NPC1: variants seen among roughly 807,000 people sequenced by gnomAD.
NPC1 encodes the protein Niemann-Pick C1 protein.
In NPC1, 85 loss-of-function variants were observed where a neutral mutation model predicts 140.4. The observed-to-expected ratio is 0.61, with a 90% confidence interval of 0.51 to 0.72. The LOEUF is 0.72. Ranked by LOEUF, NPC1 falls within the 30% of genes least tolerant of loss-of-function variation. The probability of loss-of-function intolerance (pLI) is 0.00; values close to 1 mark genes in which losing one functional copy is unlikely to be tolerated. For missense variants in NPC1, 1,504 were observed against 1,623.8 expected, an observed-to-expected ratio of 0.93 and a Z score of 1.27; for synonymous variants, 656 against 624.8, an observed-to-expected ratio of 1.05 and a Z score of -0.74.
At chr18:23,530,845 T>G (rs1286150462), downstream of NPC1, among the ~76,000 whole-genome samples, 1 of 152,154 alleles carries the variant, frequency 6.6e-6, no homozygotes, top group Non-Finnish European at 1.5e-5. Context: ...CAAGACACAT[T>G]TAGGACCCAG....
chr18:23,519,245 C>T (rs576407071), downstream of NPC1: 134 of 1,342,822 alleles, frequency 1.0e-4, no homozygotes, highest in African/African-American at 5.3e-4. Context: ...TGGCTGGGCA[C>T]GGTGGATCAC....
chr18:23,557,051 G>T, intron 7 of NPC1, 66 bp downstream of exon 7: 1 of 1,351,360 alleles, frequency 7.4e-7, no homozygotes. Context: ...CCCCACTGAG[G>T]AAACGAATGC....
chr18:23,533,570 C>CCTGGG, intron 23 of NPC1, 53 bp from the exon 24 acceptor site: 1 of 1,521,826 alleles, frequency 6.6e-7, no homozygotes, highest in Non-Finnish European at 9.1e-7. Context: ...TGTAATTGAA[C>CCTGGG]AAAAACACTT....
intron 24 of NPC1, chr18:23,533,029 G>A (rs1471442358): frequency 1.2e-6 from 1 of 803,052 alleles, no homozygotes; most frequent in Admixed American, 6.2e-5. Context: ...GCTGCCAGAT[G>A]GACTCCTTCA....
At chr18:23,575,336 T>G (rs951068851) in intron 1 of NPC1, among the ~76,000 whole-genome samples, 1 of 152,054 alleles carries the variant, frequency 6.6e-6, no homozygotes, top group Admixed American at 6.6e-5. Flanking sequence ...ACCCACTTGG[T>G]GGAAGAGGGG....
downstream of NPC1, among the ~76,000 whole-genome samples, chr18:23,517,722 A>G (rs571923328): frequency 2.0e-5 from 3 of 149,988 alleles, no homozygotes; most frequent in Non-Finnish European, 3.0e-5. Flanking sequence ...ATTCCTGTTT[A>G]TTTTTAAATT....
intron 1 of NPC1, among the ~76,000 whole-genome samples, chr18:23,583,269 T>C (rs2059378512): frequency 6.6e-6 from 1 of 152,074 alleles, no homozygotes; most frequent in Non-Finnish European, 1.5e-5. Context: ...TAATCCAATT[T>C]TACAGAGGAG....
intron 1 of NPC1, chr18:23,576,798 T>G (rs1304586356): frequency 1.2e-5 from 2 of 169,058 alleles, no homozygotes; most frequent in African/African-American, 4.8e-5. Flanking sequence ...GTGGTCTCGC[T>G]GGGCTCAGGA....
At chr18:23,575,143 AAG>A (rs2059256280) in intron 1 of NPC1, among the ~76,000 whole-genome samples, 1 of 152,214 alleles carries the variant, frequency 6.6e-6, no homozygotes, top group Non-Finnish European at 1.5e-5. Context: ...CAGGAGTGAC[AAG>A]AGACAGATGT....
downstream of NPC1, chr18:23,524,494 G>A (rs2058235678): frequency 6.2e-7 from 1 of 1,613,566 alleles, no homozygotes; most frequent in South Asian, 1.1e-5. Context: ...TAGGTCAGCG[G>A]GGACAGTTGT....
intron 4 of NPC1, among the ~76,000 whole-genome samples, chr18:23,562,194 C>A (rs947259838): frequency 4.6e-5 from 7 of 151,256 alleles, no homozygotes; most frequent in Non-Finnish European, 1.0e-4. Flanking sequence ...GAGGCTGAGG[C>A]GGGAGAATGG....
chr18:23,509,517 G>A, intron 3 of NPC1: 1 of 234,342 alleles, frequency 4.3e-6, no homozygotes, highest in Non-Finnish European at 8.0e-6. Context: ...CTACAGGCAT[G>A]TACCACCATG....
At chr18:23,520,439 A>T, downstream of NPC1, 1 of 803,000 alleles carries the variant, frequency 1.2e-6, no homozygotes, top group Non-Finnish European at 1.9e-6. Flanking sequence ...GATCTGTCTG[A>T]TTTTGCCAGG....
downstream of NPC1, chr18:23,528,353 C>G (rs2058369863): frequency 1.3e-5 from 2 of 157,012 alleles, no homozygotes; most frequent in African/African-American, 4.8e-5. Flanking sequence ...TAGCACTTAG[C>G]AGGCGTGTTT....
downstream of NPC1, chr18:23,529,498 C>T (rs140603233): frequency 4.0e-5 from 49 of 1,238,030 alleles, no homozygotes; most frequent in African/African-American, 2.4e-4. Flanking sequence ...GGTTCTGGAG[C>T]GATGTGTGCA....
At chr18:23,569,955 T>C (rs2059177879) in intron 3 of NPC1, among the ~76,000 whole-genome samples, 1 of 152,246 alleles carries the variant, frequency 6.6e-6, no homozygotes, top group East Asian at 1.9e-4. Context: ...AGACTTGCAT[T>C]CTTGCAATCA....
intron 21 of NPC1, 81 bp from the exon 22 acceptor site, chr18:23,535,781 T>A: frequency 1.1e-6 from 1 of 925,206 alleles, no homozygotes; most frequent in Non-Finnish European, 1.8e-6. Flanking sequence ...CACTGCCAAG[T>A]GGTCAGACTC....
At chr18:23,512,822 T>C (rs2057898820) in intron 3 of NPC1, among the ~76,000 whole-genome samples, 1 of 152,222 alleles carries the variant, frequency 6.6e-6, no homozygotes, top group African/African-American at 2.4e-5. Flanking sequence ...GTTAAGTATA[T>C]TCATTCACAT....
In NPC1 at chr18:23,561,546, A is replaced by C. The variant is rs1245809174; in HGVS notation, c.464-19T>G. The C allele has an allele frequency of 1.9e-6, 3 of 1,613,064 alleles. No individual in the cohort carries two copies. The Admixed American group carries it at 5.0e-5, about 27-fold the overall frequency. ...TACATTGCTAGAAGAGGAAACCCAA[A>C]GGAAAAAGGAGACAAGATGCTTGCT... is the stretch of plus-strand genomic sequence containing the variant. On this transcript the variant is annotated intron_variant, in intron 4 of 24. Coordinates refer to ENST00000269228, the MANE Select transcript of NPC1 (RefSeq NM_000271.5).
Sources: allele counts gnomAD v4.1 joint callset (sites outside exome capture counted in the v4.1 genomes callset), GRCh38; gene constraint gnomAD v4.1.1; transcripts MANE v1.5; gene names NCBI Gene and HGNC (gene_info 2026-07-23, HGNC 2026-07-21).